PSMA1: variants seen among roughly 807,000 people sequenced by gnomAD.
The protein encoded by PSMA1 is proteasome 20S subunit alpha 1.
In PSMA1, 3 loss-of-function variants were observed where a neutral mutation model predicts 38.4. The observed-to-expected ratio is 0.08, with a 90% CI of 0.04 to 0.20. PSMA1 has a LOEUF of 0.20. PSMA1 is among the 10% of genes least tolerant of loss of function. The pLI, the probability that PSMA1 is intolerant of heterozygous loss-of-function variation, is 1.00. For missense variants in PSMA1, 227 were observed against 325.3 expected, an observed-to-expected ratio of 0.70 and a Z score of 2.32; for synonymous variants, 101 against 107.1, an observed-to-expected ratio of 0.94 and a Z score of 0.35.
chr11:14,510,758 C>A, intron 8 of PSMA1, 114 bp downstream of exon 8: 1 of 606,002 alleles, frequency 1.7e-6, no homozygotes, highest in East Asian at 3.3e-5. Context: ...AAAGAATCTG[C>A]CAAGACAATC....
At chr11:14,525,170 C>G (rs1399042925), upstream of PSMA1, among the ~76,000 whole-genome samples, 2 of 152,100 alleles carry the variant, frequency 1.3e-5, no homozygotes, top group Non-Finnish European at 2.9e-5. Context: ...GGACAACATT[C>G]CTTTATGCAC....
chr11:14,571,349 C>T (rs1328344502), intron 2 of PSMA1, among the ~76,000 whole-genome samples: 1 of 152,178 alleles, frequency 6.6e-6, no homozygotes, highest in Non-Finnish European at 1.5e-5. Context: ...AGGCATGAGC[C>T]ATCGTGCCAG....
upstream of PSMA1, among the ~76,000 whole-genome samples, chr11:14,522,608 A>G (rs941453346): frequency 6.6e-6 from 1 of 152,110 alleles, no homozygotes; most frequent in Non-Finnish European, 1.5e-5. Context: ...TTTTATTTAT[A>G]GTTTTTTATT....
At chr11:14,559,885 G>A (rs1851989322) in intron 2 of PSMA1, among the ~76,000 whole-genome samples, 1 of 152,256 alleles carries the variant, frequency 6.6e-6, no homozygotes, top group East Asian at 1.9e-4. Context: ...TTCAATATCA[G>A]GGAAAGAGTG....
chr11:14,623,787 A>C (rs751441386), intron 1 of PSMA1, among the ~76,000 whole-genome samples: 1 of 152,144 alleles, frequency 6.6e-6, no homozygotes, highest in Non-Finnish European at 1.5e-5. Flanking sequence ...ACCTCCCATC[A>C]CCAAAGCTGA....
At chr11:14,635,899 T>C (rs1212487243) in intron 1 of PSMA1, among the ~76,000 whole-genome samples, 3 of 152,228 alleles carry the variant, frequency 2.0e-5, no homozygotes, top group Non-Finnish European at 4.4e-5. Flanking sequence ...AGGATAGCAC[T>C]ATGAATACAA....
At chr11:14,508,281 T>C (rs1554966511) in intron 8 of PSMA1, among the ~76,000 whole-genome samples, 1 of 152,056 alleles carries the variant, frequency 6.6e-6, no homozygotes, top group Non-Finnish European at 1.5e-5. Flanking sequence ...CAGAAGCAAT[T>C]AGAAGAGAAC....
intron 2 of PSMA1, among the ~76,000 whole-genome samples, chr11:14,600,008 C>T (rs1290304450): frequency 6.6e-6 from 1 of 152,208 alleles, no homozygotes; most frequent in Non-Finnish European, 1.5e-5. Flanking sequence ...CCCTCAGCTG[C>T]AGGTCTGTTG....
At chr11:14,588,828 C>T (rs1852379943) in intron 2 of PSMA1, among the ~76,000 whole-genome samples, 1 of 152,204 alleles carries the variant, frequency 6.6e-6, no homozygotes, top group African/African-American at 2.4e-5. Flanking sequence ...TCAGTCTACT[C>T]CAGCTCTATA....
chr11:14,524,969 T>C (rs980009830), upstream of PSMA1, among the ~76,000 whole-genome samples: 5 of 152,072 alleles, frequency 3.3e-5, no homozygotes, highest in Admixed American at 2.0e-4. Flanking sequence ...TGCCCAATCT[T>C]CTCGGAAGCC....
At chr11:14,606,793 A>G (rs1315218568) in intron 2 of PSMA1, among the ~76,000 whole-genome samples, 1 of 152,228 alleles carries the variant, frequency 6.6e-6, no homozygotes, top group Non-Finnish European at 1.5e-5. Context: ...TCTTCTCTCC[A>G]CTGGAATTCT....
intron 1 of PSMA1, among the ~76,000 whole-genome samples, chr11:14,631,076 C>T (rs1226866908): frequency 2.6e-5 from 4 of 151,950 alleles, no homozygotes; most frequent in East Asian, 3.9e-4. Flanking sequence ...ATTAGTCTTG[C>T]TAGCGGTCTA....
In PSMA1 at chr11:14,629,565, G is replaced by C. The variant is rs577340424; in HGVS notation, c.-166+13890C>G. Among the ~76,000 whole-genome samples the C allele has an allele frequency of 6.3e-4, 96 of 152,128 alleles. No individual in the cohort carries two copies. The East Asian group carries it at 9.1e-3, about 14-fold the overall frequency. On this transcript the variant is annotated intron_variant, in intron 1 of 10. Coordinates refer to the PSMA1 transcript ENST00000418988. The stretch of plus-strand genomic sequence containing the variant: ...TACCAGTACCATGCTGTTTTGGTTA[G>C]TGTAGCCTTGTAGTATAGTTTGAAG...
At chr11:14,603,245 G>C (rs1487843285) in intron 2 of PSMA1, among the ~76,000 whole-genome samples, 3 of 152,208 alleles carry the variant, frequency 2.0e-5, no homozygotes, top group African/African-American at 7.2e-5. Context: ...GGTAAAGAGA[G>C]ATGAAGCCAG....
intron 7 of PSMA1, among the ~76,000 whole-genome samples, chr11:14,513,138 TC>T (rs1159987516): frequency 6.6e-6 from 1 of 152,128 alleles, no homozygotes; most frequent in Non-Finnish European, 1.5e-5. Flanking sequence ...TACCTTCTTC[TC>T]CCTCAACTAC....
At position 14,593,444 on chromosome 11, in the gene PSMA1, G is replaced by C. The variant is rs1461795592; in HGVS notation, c.21+17522C>G. Among the ~76,000 whole-genome samples, 4 of 152,212 alleles carry C rather than the reference G, an allele frequency of 2.6e-5. No homozygotes were observed. In the East Asian group the frequency reaches 7.7e-4, roughly 29 times the overall value. On this transcript the variant is annotated intron_variant, in intron 2 of 10. Transcript: ENST00000418988. Reference sequence around the variant, plus strand: ...ATAAGGTTCTAGCCCTTTTGACTTGGAAGTTGTTAGAGCTTTCTTTACAGG... The same window carrying C: ...ATAAGGTTCTAGCCCTTTTGACTTGCAAGTTGTTAGAGCTTTCTTTACAGG...
At chr11:14,545,636 A>G (rs1454755849) in intron 2 of PSMA1, among the ~76,000 whole-genome samples, 1 of 152,246 alleles carries the variant, frequency 6.6e-6, no homozygotes, top group Non-Finnish European at 1.5e-5. Context: ...TGCAAAGGAC[A>G]TGATGTTGTT....
Position 14,573,939 on chromosome 11 carries a change from T to C in PSMA1, c.21+37027A>G, listed in dbSNP as rs1182617938. Among the ~76,000 whole-genome samples the C allele has an allele frequency of 5.9e-5, 9 of 152,072 alleles. No homozygotes were observed. The East Asian group carries it at 1.7e-3, about 29-fold the overall frequency. On this transcript the variant is annotated intron_variant, in intron 2 of 10. Coordinates refer to the PSMA1 transcript ENST00000418988. ...TGAATTTGAGATATATGATTTAGAG[T>C]ATCGGGCAGAAGAAATTTCTAAGCA...
At chr11:14,532,367 G>A (rs987457331) in intron 2 of PSMA1, among the ~76,000 whole-genome samples, 3 of 152,120 alleles carry the variant, frequency 2.0e-5, no homozygotes, top group African/African-American at 7.2e-5. Flanking sequence ...CACTTTGGGA[G>A]GCCAAGGCGG....
Sources: gnomAD v4.1 joint callset for allele counts (sites outside exome capture counted in the v4.1 genomes callset) on GRCh38, gnomAD v4.1.1 for gene constraint, MANE v1.5 for transcripts, NCBI Gene and HGNC (gene_info 2026-07-23, HGNC 2026-07-21) for gene names.